Variants in ZNF362 observed in about 807,000 individuals in gnomAD.
ZNF362 encodes zinc finger protein 362, also known as rotund homolog.
Under a neutral mutation model 42.9 loss-of-function variants are expected in ZNF362, and 11 were observed. That is an observed-to-expected ratio of 0.26 (90% CI 0.16 to 0.42). The LOEUF is 0.42. Among genes scored for constraint, ZNF362 ranks in the 20% least tolerant of loss-of-function variants. The probability of loss-of-function intolerance (pLI) is 1.00; values close to 1 mark genes in which losing one functional copy is unlikely to be tolerated. For synonymous variants in ZNF362, 255 were observed against 257.3 expected (o/e 0.99, Z 0.09); for missense variants, 362 against 576.2 (o/e 0.63, Z 3.81).
rs6683826 is a variant in ZNF362 at position 33,286,239 on chromosome 1, G to C, written c.908+4428G>C. Among the ~76,000 whole-genome samples the C allele has an allele frequency of 8.1e-3, 1,238 of 152,268 alleles. 16 individuals are homozygous for C. Among genetic ancestry groups the C allele is most frequent in the African/African-American group, 0.028 (1,153 of 41,544 alleles). On this transcript the variant is annotated intron_variant, in intron 6 of 8. Coordinates refer to ENST00000539719, the MANE Select transcript of ZNF362 (RefSeq NM_152493.3). ...CCTTGACAATTTTATCTTTCTGAGT[G>C]GGGACCTGGATCTGAGAAAGGCGAC...
At chr1:33,261,744 T>C (rs1313056911) in intron 1 of ZNF362, 1 of 152,116 alleles carries the variant, frequency 6.6e-6, no homozygotes, top group Non-Finnish European at 1.5e-5. Flanking sequence ...CGGAGCGAGG[T>C]GGATGTCATC....
At chr1:33,143,206 A>G in the ZNF362 span, 1 of 152,204 alleles carries the variant, frequency 6.6e-6, no homozygotes, top group Admixed American at 6.5e-5. Context: ...CCCCATTTCC[A>G]GGAGTCCCCA....
chr1:33,262,666 G>T (rs1364229185), intron 1 of ZNF362, among the ~76,000 whole-genome samples: 1 of 152,104 alleles, frequency 6.6e-6, no homozygotes, highest in Non-Finnish European at 1.5e-5. Context: ...GGGCTCTGTC[G>T]GGGGACACCT....
chr1:33,159,900 C>T, the ZNF362 span: 1 of 1,609,460 alleles, frequency 6.2e-7, no homozygotes, highest in East Asian at 2.2e-5. The surrounding 1 kb of genome is among the most constrained non-coding windows in gnomAD (Gnocchi z 4.2). Context: ...GGTGCAGCCG[C>T]TCGAAGGCCT....
At chr1:33,287,457 G>T (rs1646040980) in intron 6 of ZNF362, among the ~76,000 whole-genome samples, 1 of 152,232 alleles carries the variant, frequency 6.6e-6, no homozygotes, top group Non-Finnish European at 1.5e-5. Flanking sequence ...CTGCACTGCA[G>T]CCTGGGTGAC....
chr1:33,179,660 C>T, the ZNF362 span, among the ~76,000 whole-genome samples: 1 of 152,124 alleles, frequency 6.6e-6, no homozygotes, highest in Non-Finnish European at 1.5e-5. Flanking sequence ...TGGGCCAGGC[C>T]TTGCACCAGG....
chr1:33,224,625 T>C, the ZNF362 span, among the ~76,000 whole-genome samples: 4 of 151,966 alleles, frequency 2.6e-5, no homozygotes, highest in East Asian at 7.7e-4. Flanking sequence ...TTGCAAGAGA[T>C]CTATAAGAGA....
chr1:33,184,152 C>T, the ZNF362 span, among the ~76,000 whole-genome samples: 1 of 152,088 alleles, frequency 6.6e-6, no homozygotes, highest in African/African-American at 2.4e-5. Context: ...AAACTATGCT[C>T]CTTGCTCCCA....
At chr1:33,223,105 G>T in the ZNF362 span, among the ~76,000 whole-genome samples, 1 of 152,070 alleles carries the variant, frequency 6.6e-6, no homozygotes, top group Non-Finnish European at 1.5e-5. Context: ...ACAAAAATTA[G>T]CTGGGTGTTG....
At chr1:33,208,791 G>A in the ZNF362 span, among the ~76,000 whole-genome samples, 1 of 152,192 alleles carries the variant, frequency 6.6e-6, no homozygotes, top group African/African-American at 2.4e-5. Flanking sequence ...AGACTTTGCT[G>A]AATTTGCTTA....
chr1:33,246,216 A>T, the ZNF362 span, among the ~76,000 whole-genome samples: 4 of 152,194 alleles, frequency 2.6e-5, no homozygotes, highest in Admixed American at 2.6e-4. Context: ...GATTGACTCA[A>T]TATAGCCAAA....
intron 2 of ZNF362, among the ~76,000 whole-genome samples, chr1:33,271,950 G>A (rs1055370216): frequency 2.6e-5 from 4 of 152,312 alleles, no homozygotes; most frequent in African/African-American, 9.6e-5. Flanking sequence ...GGACTGTCAG[G>A]GAGAGGCCTG....
At chr1:33,213,235 C>T in the ZNF362 span, among the ~76,000 whole-genome samples, 1 of 151,988 alleles carries the variant, frequency 6.6e-6, no homozygotes, top group African/African-American at 2.4e-5. Context: ...CTCAGGTGAC[C>T]CACCCACCTC....
chr1:33,206,065 A>G, the ZNF362 span, among the ~76,000 whole-genome samples: 1 of 152,202 alleles, frequency 6.6e-6, no homozygotes. Context: ...TTTAAAACAA[A>G]TAATATTGGA....
chr1:33,129,003 G>C, the ZNF362 span, among the ~76,000 whole-genome samples: 1 of 152,184 alleles, frequency 6.6e-6, no homozygotes, highest in Admixed American at 6.5e-5. The surrounding 1 kb of genome is among the most constrained non-coding windows in gnomAD (Gnocchi z 4.1). Flanking sequence ...AAAAGCAGCA[G>C]GTCTTGGTGA....
At chr1:33,198,714 C>G in the ZNF362 span, among the ~76,000 whole-genome samples, 2 of 151,876 alleles carry the variant, frequency 1.3e-5, no homozygotes, top group Non-Finnish European at 2.9e-5. Context: ...CAAAACTGAC[C>G]CAGAAGTGAC....
chr1:33,202,574 G>A, the ZNF362 span, among the ~76,000 whole-genome samples: 1 of 148,746 alleles, frequency 6.7e-6, no homozygotes, highest in African/African-American at 2.5e-5. Flanking sequence ...CTCCAGCCTG[G>A]GTGACAGAGC....
At chr1:33,134,163 G>A in the ZNF362 span, among the ~76,000 whole-genome samples, 345 of 152,344 alleles carry the variant, frequency 2.3e-3, no homozygotes, top group African/African-American at 7.8e-3. Flanking sequence ...GCCCAGCCCC[G>A]TAAGACACCA....
chr1:33,275,260 G>A (rs1645935055), intron 2 of ZNF362: 1 of 985,266 alleles, frequency 1.0e-6, no homozygotes, highest in South Asian at 4.7e-5. Context: ...AGCCCTGAAG[G>A]CCCATCCTTC....
Sources: allele counts gnomAD v4.1 joint callset (sites outside exome capture counted in the v4.1 genomes callset), GRCh38; gene constraint gnomAD v4.1.1; non-coding constraint Gnocchi (gnomAD v3.1); transcripts MANE v1.5; gene names NCBI Gene and HGNC (gene_info 2026-07-23, HGNC 2026-07-21).